Variants in ATP5F1A observed in about 807,000 individuals in gnomAD.
ATP5F1A encodes ATP synthase F(1) complex subunit alpha, mitochondrial.
In ATP5F1A, 24 loss-of-function variants were observed where a neutral mutation model predicts 57.4. That is an observed-to-expected ratio of 0.42 (90% confidence interval 0.30 to 0.59). The LOEUF (loss-of-function observed/expected upper bound fraction) is 0.59, where lower values mean the gene tolerates loss of function less well. ATP5F1A is among the 20% of genes least tolerant of loss of function. The probability of loss-of-function intolerance (pLI) is 0.19; values close to 1 mark genes in which losing one functional copy is unlikely to be tolerated. For missense variants in ATP5F1A, 494 were observed against 707.9 expected (o/e 0.70, Z 3.43); for synonymous variants, 251 against 255.5 (o/e 0.98, Z 0.17).
intron 2 of ATP5F1A, chr18:46,093,444 G>A (rs963066472): frequency 6.6e-6 from 1 of 152,130 alleles, no homozygotes; most frequent in East Asian, 1.9e-4. Context: ...GGCTGAGGCA[G>A]GAGAGAATCA....
upstream of ATP5F1A, among the ~76,000 whole-genome samples, chr18:46,102,325 GT>G (rs201559662): frequency 2.0e-5 from 3 of 150,496 alleles, no homozygotes; most frequent in East Asian, 1.9e-4. Context: ...TTTAGTTTTT[GT>G]TTTTTTTTGT....
upstream of ATP5F1A, among the ~76,000 whole-genome samples, chr18:46,100,803 T>C (rs2144231686): frequency 6.6e-6 from 1 of 152,358 alleles, no homozygotes; most frequent in Non-Finnish European, 1.5e-5. Context: ...CCGGGCACGG[T>C]GGCTCACGCC....
chr18:46,084,233 T>C lies in ATP5F1A; in HGVS notation c.*49A>G, dbSNP rs773593910. 4.6e-6 allele frequency: 7 copies of C among 1,505,756 alleles called. No individual in the cohort carries two copies. In the African/African-American group the frequency reaches 8.3e-5, roughly 18 times the overall value. 93.3% of individuals were successfully genotyped at this position (1,505,756 alleles called of 1,614,324 possible). On this transcript the variant is annotated 3_prime_UTR_variant, in exon 12 of 12. Coordinates refer to ENST00000398752, the MANE Select transcript of ATP5F1A (RefSeq NM_004046.6). Reference sequence around the variant, plus strand: ...CCTTTTACAAATGGAACTAATTTACTAGAACAATGACAAAACTGAACTGGT... The same window carrying C: ...CCTTTTACAAATGGAACTAATTTACCAGAACAATGACAAAACTGAACTGGT...
At chr18:46,086,767 G>A in intron 8 of ATP5F1A, 1 of 602,544 alleles carries the variant, frequency 1.7e-6, no homozygotes. Flanking sequence ...TTATCTAGAA[G>A]GGAGAACAGT....
At chr18:46,091,252 T>G (rs1358816833) in intron 3 of ATP5F1A, among the ~76,000 whole-genome samples, 1 of 152,238 alleles carries the variant, frequency 6.6e-6, no homozygotes, top group Non-Finnish European at 1.5e-5. Flanking sequence ...TTAGAGAGCT[T>G]CTGATAGCTA....
upstream of ATP5F1A, among the ~76,000 whole-genome samples, chr18:46,100,269 AAAAG>A (rs1207834855): frequency 9.3e-5 from 14 of 149,782 alleles, no homozygotes; most frequent in Non-Finnish European, 1.3e-4. Flanking sequence ...AAAAAAAAAA[AAAAG>A]AAAGAAAAAA....
chr18:46,101,372 C>G (rs1052768139), upstream of ATP5F1A, among the ~76,000 whole-genome samples: 1 of 151,708 alleles, frequency 6.6e-6, no homozygotes, highest in Non-Finnish European at 1.5e-5. Context: ...CAAGACCAGC[C>G]TGGCCAACAT....
chr18:46,090,420 A>G (rs1335098678), intron 3 of ATP5F1A, among the ~76,000 whole-genome samples: 1 of 152,244 alleles, frequency 6.6e-6, no homozygotes, highest in Non-Finnish European at 1.5e-5. Context: ...AGCTCCATAA[A>G]CAGTTTCAAA....
At chr18:46,094,678 AACGAAT>A (rs1201342885) in intron 2 of ATP5F1A, 1 of 156,254 alleles carries the variant, frequency 6.4e-6, no homozygotes, top group African/African-American at 2.4e-5. Context: ...AAAAAAAGAA[AACGAAT>A]AAGAAAACCT....
intron 1 of ATP5F1A, among the ~76,000 whole-genome samples, chr18:46,097,496 C>A (rs370707569): frequency 6.6e-6 from 1 of 152,150 alleles, no homozygotes; most frequent in African/African-American, 2.4e-5. Context: ...TCTTTAAACA[C>A]GTCCAAGTGC....
intron 2 of ATP5F1A, among the ~76,000 whole-genome samples, chr18:46,094,081 T>G (rs1010556042): frequency 6.6e-5 from 10 of 150,888 alleles, no homozygotes; most frequent in African/African-American, 2.4e-4. Flanking sequence ...CACTCCAGCC[T>G]GGGCAACAAG....
upstream of ATP5F1A, chr18:46,098,299 C>G (rs1568256693): frequency 1.0e-4 from 157 of 1,510,546 alleles, no homozygotes; most frequent in Admixed American, 9.7e-4. Flanking sequence ...ACAAAATGGC[C>G]GAGCCGCAAA....
chr18:46,089,600 G>T lies in ATP5F1A; in HGVS notation c.616C>A (p.Gln206Lys). 6.2e-7 allele frequency: 1 copy of T among 1,614,156 alleles called. No homozygotes were observed. Among genetic ancestry groups the T allele is most frequent in the South Asian group, 1.1e-5 (1 of 91,070 alleles). Residue 206 changes from glutamine to lysine, a missense_variant, in exon 5 of 12, where the codon CAG (glutamine) becomes AAG (lysine). This residue lies in a region of ATP5F1A where 191 missense variants were observed against 267.7 expected (regional missense o/e 0.71). Coordinates refer to ENST00000398752, the MANE Select transcript of ATP5F1A (RefSeq NM_004046.6). ...VDSLVPIGRG[Q>K]RELIIGDRQT... ...CGGTCACCAATAATCAGTTCACGCT[G>T]ACCACGACCAATTGGCACCAAGCTA...
intron 2 of ATP5F1A, among the ~76,000 whole-genome samples, chr18:46,092,945 C>G (rs555503486): frequency 1.3e-5 from 2 of 151,422 alleles, no homozygotes; most frequent in South Asian, 2.1e-4. Flanking sequence ...GCCAGGAGTT[C>G]GAGACCAGCC....
intron 9 of ATP5F1A, 27 bp downstream of exon 9, chr18:46,086,360 C>G: frequency 3.1e-6 from 5 of 1,613,536 alleles, no homozygotes; most frequent in Non-Finnish European, 4.2e-6. Context: ...TGATAGCCCC[C>G]TTACTGCCAA....
upstream of ATP5F1A, among the ~76,000 whole-genome samples, chr18:46,100,521 G>A (rs979050854): frequency 8.6e-5 from 13 of 151,850 alleles, no homozygotes; most frequent in Non-Finnish European, 1.5e-4. Context: ...AAGATGAGAG[G>A]TTCACTTGAG....
At chr18:46,087,305 C>A in intron 7 of ATP5F1A, 36 bp downstream of exon 7, 2 of 1,612,652 alleles carry the variant, frequency 1.2e-6, no homozygotes, top group Non-Finnish European at 1.7e-6. Context: ...TACTTCAGTA[C>A]AAATAAATGG....
upstream of ATP5F1A, among the ~76,000 whole-genome samples, chr18:46,100,251 T>TAAAAA (rs34683117): frequency 5.7e-4 from 39 of 68,356 alleles, no homozygotes; most frequent in South Asian, 1.3e-3. Flanking sequence ...AAACTCCATC[T>TAAAAA]AAAAAAAAAA....
upstream of ATP5F1A, among the ~76,000 whole-genome samples, chr18:46,101,170 G>A (rs1403850169): frequency 6.6e-6 from 1 of 152,186 alleles, no homozygotes; most frequent in Admixed American, 6.5e-5. Flanking sequence ...TATGTGCCCT[G>A]AGTGCTTTTT....
Sources: allele counts gnomAD v4.1 joint callset (sites outside exome capture counted in the v4.1 genomes callset), GRCh38; gene constraint gnomAD v4.1.1; regional missense constraint gnomAD v4.1.1; transcripts MANE v1.5; gene names NCBI Gene and HGNC (gene_info 2026-07-23, HGNC 2026-07-21).